The following SS18L1 variants were observed in gnomAD, a reference collection of about 807,000 sequenced individuals.
SS18L1 encodes the protein calcium-responsive transactivator.
SS18L1 carries 32 observed loss-of-function variants against 70.3 expected under a neutral mutation model. That is an observed-to-expected ratio of 0.46 (90% CI 0.34 to 0.61). SS18L1 has a LOEUF of 0.61. Among genes scored for constraint, SS18L1 ranks in the 20% least tolerant of loss-of-function variants. The pLI, the probability that SS18L1 is intolerant of heterozygous loss-of-function variation, is 0.01. For synonymous variants in SS18L1, 237 were observed against 229.7 expected (o/e 1.03, Z -0.29); for missense variants, 430 against 542.1 (o/e 0.79, Z 2.05).
At chr20:62,156,284 C>T (rs765577085) in intron 1 of SS18L1, among the ~76,000 whole-genome samples, 6 of 152,188 alleles carry the variant, frequency 3.9e-5, no homozygotes, top group Non-Finnish European at 7.4e-5. Flanking sequence ...AGGAAGAAAG[C>T]CCATAGTTGT....
At chr20:62,146,604 C>CTTTTTTTTTTTTT (rs1339898731) in intron 1 of SS18L1, among the ~76,000 whole-genome samples, 2 of 34,152 alleles carry the variant, frequency 5.9e-5, no homozygotes, top group African/African-American at 2.4e-4. Context: ...CTGCTTTGAT[C>CTTTTTTTTTTTTT]ATTTTTTTTT....
chr20:62,145,155 A>C (rs150575599), intron 1 of SS18L1, among the ~76,000 whole-genome samples: 1 of 152,272 alleles, frequency 6.6e-6, no homozygotes, highest in Non-Finnish European at 1.5e-5. Context: ...TTTACTTAGT[A>C]AACACTTATG....
Position 62,158,788 on chromosome 20 carries a change from A to T in SS18L1, c.146+40A>T, listed in dbSNP as rs1412328556. ...TACACCGGAACACTTGGAGGGTGTC[A>T]TGCAGAGTCTAAGCACAGAGGCCAG... On this transcript the variant is annotated intron_variant, in intron 2 of 10. Coordinates refer to ENST00000331758, the MANE Select transcript of SS18L1 (RefSeq NM_198935.3). This position sits in a 1 kb window ranked among gnomAD's most constrained non-coding sequence, Gnocchi z 4.5. The T allele has an allele frequency of 6.2e-7, 1 of 1,612,870 alleles. No individual in the cohort carries two copies. The highest frequency in any genetic ancestry group is 1.3e-5 in the African/African-American group (1 of 75,062).
chr20:62,160,110 G>A (rs2057297148), intron 3 of SS18L1, 149 bp downstream of exon 3: 4 of 821,488 alleles, frequency 4.9e-6, no homozygotes, highest in South Asian at 3.4e-5. Flanking sequence ...GGGAGTGTGG[G>A]CGGTGGTGAC....
At position 62,167,038 on chromosome 20, in the gene SS18L1, G is replaced by GT. The variant is rs201677571; in HGVS notation, c.916+1527dup. 3.0e-3 allele frequency among the ~76,000 whole-genome samples: 329 copies of GT among 110,880 alleles called. 19 individuals carry two copies. The highest frequency in any genetic ancestry group is 0.014 in the African/African-American group (303 of 21,502). The allele number at this position is 110,880 out of a possible 152,430, so 72.7% of individuals were successfully genotyped here. ...GAGGATTGCTTGAGCTCAGGAGTTT[G>GT]TTTGTTTTTTTTTTTTTTTTTTTTT... On this transcript the variant is annotated intron_variant, in intron 8 of 10. Transcript: ENST00000331758.
At chr20:62,167,960 C>T (rs1324836295) in intron 8 of SS18L1, among the ~76,000 whole-genome samples, 2 of 148,076 alleles carry the variant, frequency 1.4e-5, no homozygotes, top group Admixed American at 6.7e-5. Context: ...GGACTAAAGG[C>T]ATGCACCACC....
Position 62,179,730 on chromosome 20 carries a change from G to GGGGGGCCCCCC in SS18L1, c.*522_*523insGGGGGCCCCCC. On this transcript the variant is annotated 3_prime_UTR_variant, in exon 11 of 11. Coordinates refer to ENST00000331758, the MANE Select transcript of SS18L1 (RefSeq NM_198935.3). The stretch of plus-strand genomic sequence containing the variant: ...GTGCCTCGATGGGGTGGGTGGGAGG[G>GGGGGGCCCCCC]CATCTTCTGTGCGTTGGGTCAGTTT... 1 of 96,714 alleles carries GGGGGGCCCCCC rather than the reference G, an allele frequency of 1.0e-5. No homozygotes were observed. 6.0% of individuals were successfully genotyped at this position (96,714 alleles called of 1,614,324 possible).
intron 1 of SS18L1, among the ~76,000 whole-genome samples, chr20:62,149,552 G>T (rs1415742027): frequency 6.6e-6 from 1 of 152,246 alleles, no homozygotes; most frequent in African/African-American, 2.4e-5. Flanking sequence ...AGGGCAGGGT[G>T]GGGCAGGCCG....
chr20:62,150,633 A>AATTTTTTTTTTTTTTTTTT, intron 1 of SS18L1, among the ~76,000 whole-genome samples: 1 of 58,030 alleles, frequency 1.7e-5, no homozygotes, highest in Non-Finnish European at 3.5e-5. Flanking sequence ...ATTGAGGTGG[A>AATTTTTTTTTTTTTTTTTT]TTTTTTTTTT....
intron 8 of SS18L1, among the ~76,000 whole-genome samples, chr20:62,168,306 A>G (rs1568759162): frequency 6.6e-6 from 1 of 152,188 alleles, no homozygotes; most frequent in Non-Finnish European, 1.5e-5. Flanking sequence ...GTGCACATAC[A>G]TGGTGACACT....
intron 9 of SS18L1, among the ~76,000 whole-genome samples, chr20:62,173,813 C>A (rs917462785): frequency 6.6e-6 from 1 of 151,744 alleles, no homozygotes; most frequent in African/African-American, 2.4e-5. Context: ...CCCAGGAGTT[C>A]GAGACCAGCC....
chr20:62,180,101 A>G lies in SS18L1; in HGVS notation c.*893A>G, dbSNP rs2057685333. ...AAGCCCAATTCTAAGTTGATAGGTA[A>G]TTTTAAATATTCAAACCAAATCTTC... On this transcript the variant is annotated 3_prime_UTR_variant, in exon 11 of 11. Transcript: ENST00000331758. The G allele has an allele frequency of 4.8e-6, 1 of 209,148 alleles. No homozygotes were observed. Among genetic ancestry groups the G allele is most frequent in the Non-Finnish European group, 9.7e-6 (1 of 103,058 alleles). The allele number at this position is 209,148 out of a possible 1,614,324, so 13.0% of individuals were successfully genotyped here.
At chr20:62,146,342 G>C (rs200307782) in intron 1 of SS18L1, among the ~76,000 whole-genome samples, 2 of 152,226 alleles carry the variant, frequency 1.3e-5, no homozygotes, top group Non-Finnish European at 2.9e-5. Context: ...TGCTGAGCAC[G>C]TGCTGGATCA....
chr20:62,161,481 A>C lies in SS18L1; in HGVS notation c.277A>C (p.Ser93Arg). The change falls in exon 4 of 11, where the codon AGC becomes CGC. Residue 93 changes from serine (S) to arginine (R), a missense_variant. Physicochemically the swap from Ser to Arg is moderately radical, Grantham distance 110. Transcript: ENST00000331758. This position sits in a 1 kb window ranked among gnomAD's most constrained non-coding sequence, Gnocchi z 4.4. ...CCTGGGCCCTGGAGCCCTGACTCAG[A>C]GCGGCTCCAGCCAGGGCCTGCACTC... Reference protein sequence around the residue: ...MNLGPGALTQSGSSQGLHSQG... With the variant: ...MNLGPGALTQRGSSQGLHSQG... 6.2e-7 allele frequency: 1 copy of C among 1,612,810 alleles called. No individual in the cohort carries two copies. Among genetic ancestry groups the C allele is most frequent in the Non-Finnish European group, 8.5e-7 (1 of 1,179,974 alleles).
Position 62,172,086 on chromosome 20 carries a change from C to T in SS18L1, c.917-596C>T, listed in dbSNP as rs185373062. 2.1e-3 allele frequency among the ~76,000 whole-genome samples: 322 copies of T among 151,350 alleles called. 1 individual carries two copies. The highest frequency in any genetic ancestry group is 6.8e-3 in the Middle Eastern group (2 of 294). ...CTGAGGCAGGAGAATGGCGTGAACCCGGGTGGGGCGGAGCTTGCACTGAGC... is the reference window on the plus strand; with the variant it reads ...CTGAGGCAGGAGAATGGCGTGAACCTGGGTGGGGCGGAGCTTGCACTGAGC... On this transcript the variant is annotated intron_variant, in intron 8 of 10. Transcript: ENST00000331758.
intron 1 of SS18L1, 66 bp downstream of exon 1, chr20:62,143,955 C>G: frequency 3.2e-6 from 3 of 939,894 alleles, no homozygotes; most frequent in Non-Finnish European, 3.8e-6. Context: ...GGGGACGGGG[C>G]GCGGGCAGCT....
chr20:62,155,280 G>A (rs2145716342), intron 1 of SS18L1, among the ~76,000 whole-genome samples: 1 of 152,220 alleles, frequency 6.6e-6, no homozygotes, highest in Middle Eastern at 3.4e-3. Context: ...AGGCATGGTG[G>A]CACACACCTG....
intron 5 of SS18L1, among the ~76,000 whole-genome samples, 153 bp from the exon 6 acceptor site, chr20:62,163,305 T>C (rs756957048): frequency 1.3e-5 from 2 of 148,816 alleles, no homozygotes; most frequent in Non-Finnish European, 3.0e-5. Flanking sequence ...GCAGGCCACG[T>C]AGGGGAGGCG....
At chr20:62,175,415 C>T (rs2057604141) in intron 10 of SS18L1, 8 of 985,036 alleles carry the variant, frequency 8.1e-6, no homozygotes, top group Non-Finnish European at 9.6e-6. Flanking sequence ...ACTGCAGGAG[C>T]GAGGGCCTCC....
Sources: allele counts gnomAD v4.1 joint callset (sites outside exome capture counted in the v4.1 genomes callset), GRCh38; gene constraint gnomAD v4.1.1; non-coding constraint Gnocchi (gnomAD v3.1); transcripts MANE v1.5; gene names NCBI Gene and HGNC (gene_info 2026-07-23, HGNC 2026-07-21).